The following SNTB1 variants were observed in gnomAD, a reference collection of about 807,000 sequenced individuals.
SNTB1 encodes beta-1-syntrophin.
SNTB1 carries 36 observed loss-of-function variants against 48.9 expected under a neutral mutation model. That is an observed-to-expected ratio of 0.74 (90% confidence interval 0.56 to 0.97). The LOEUF is 0.97. SNTB1 is among the 50% of genes least tolerant of loss of function. The probability of loss-of-function intolerance (pLI) is 0.00; values close to 1 mark genes in which losing one functional copy is unlikely to be tolerated. For synonymous variants in SNTB1, 299 were observed against 294.6 expected, an observed-to-expected ratio of 1.01 and a Z score of -0.15; for missense variants, 786 against 703.4, an observed-to-expected ratio of 1.12 and a Z score of -1.33.
At chr8:120,588,085 T>C (rs1563824918) in intron 3 of SNTB1, among the ~76,000 whole-genome samples, 1 of 152,132 alleles carries the variant, frequency 6.6e-6, no homozygotes, top group Admixed American at 6.5e-5. Flanking sequence ...GAAAAAAAAA[T>C]GTATGCTTCA....
At chr8:120,685,047 C>T (rs886150522) in intron 2 of SNTB1, among the ~76,000 whole-genome samples, 9 of 152,344 alleles carry the variant, frequency 5.9e-5, no homozygotes, top group African/African-American at 1.4e-4. Context: ...TCCCCAGGCT[C>T]CAGGTAGCCC....
intron 3 of SNTB1, among the ~76,000 whole-genome samples, chr8:120,580,159 T>C (rs2130693261): frequency 6.6e-6 from 1 of 152,336 alleles, no homozygotes; most frequent in Middle Eastern, 3.4e-3. Flanking sequence ...TTCAGTGCAC[T>C]CTTTTCCTGA....
At chr8:120,612,938 T>C (rs1189352863) in intron 3 of SNTB1, among the ~76,000 whole-genome samples, 1 of 152,246 alleles carries the variant, frequency 6.6e-6, no homozygotes, top group Non-Finnish European at 1.5e-5. Context: ...TTTTGAAATA[T>C]ATAATATATT....
chr8:120,694,486 G>T (rs1010874420), intron 1 of SNTB1, among the ~76,000 whole-genome samples: 1 of 151,220 alleles, frequency 6.6e-6, no homozygotes, highest in African/African-American at 2.4e-5. Flanking sequence ...CCATTAAAAA[G>T]GAACAGATTA....
At chr8:120,548,235 C>G (rs1186659462) in intron 5 of SNTB1, among the ~76,000 whole-genome samples, 1 of 152,138 alleles carries the variant, frequency 6.6e-6, no homozygotes, top group African/African-American at 2.4e-5. Context: ...AAGCAGATGC[C>G]AGGACCATGC....
intron 3 of SNTB1, among the ~76,000 whole-genome samples, chr8:120,595,036 G>A (rs1367736121): frequency 2.0e-5 from 3 of 151,922 alleles, no homozygotes; most frequent in Non-Finnish European, 4.4e-5. Flanking sequence ...AGAAGGCCCA[G>A]AGGCTAAAAT....
At chr8:120,700,143 T>C (rs935481972) in intron 1 of SNTB1, among the ~76,000 whole-genome samples, 1 of 146,064 alleles carries the variant, frequency 6.8e-6, no homozygotes, top group African/African-American at 2.6e-5. Flanking sequence ...ATTCTCGCTC[T>C]GAAAAAAAAT....
chr8:120,603,676 C>T (rs1046134987), intron 3 of SNTB1, among the ~76,000 whole-genome samples: 7 of 152,166 alleles, frequency 4.6e-5, no homozygotes, highest in African/African-American at 1.7e-4. Flanking sequence ...ATCTGTAGGA[C>T]ACGACACTGT....
chr8:120,546,160 C>T (rs7017132), intron 5 of SNTB1, among the ~76,000 whole-genome samples: 44,131 of 152,056 alleles, frequency 0.29, 7,489 homozygotes, highest in African/African-American at 0.48. Flanking sequence ...TTATATGAAA[C>T]TCAAAGTTAG....
chr8:120,682,195 T>G (rs1817942416), intron 2 of SNTB1, among the ~76,000 whole-genome samples: 2 of 152,094 alleles, frequency 1.3e-5, no homozygotes, highest in South Asian at 2.1e-4. Context: ...TGAAGAGAGA[T>G]AACAAAAAAA....
intron 3 of SNTB1, among the ~76,000 whole-genome samples, chr8:120,597,171 C>CA (rs1320911584): frequency 1.3e-5 from 2 of 152,172 alleles, no homozygotes; most frequent in Non-Finnish European, 2.9e-5. Context: ...GATGTGGCCA[C>CA]AAGCCAAGGA....
chr8:120,542,869 CT>C (rs1390708047), intron 5 of SNTB1, among the ~76,000 whole-genome samples: 1 of 152,030 alleles, frequency 6.6e-6, no homozygotes, highest in African/African-American at 2.4e-5. Flanking sequence ...TAAAAAATCT[CT>C]TTTTAGAAAT....
intron 4 of SNTB1, among the ~76,000 whole-genome samples, chr8:120,551,493 A>C (rs1189632390): frequency 6.6e-6 from 1 of 152,066 alleles, no homozygotes; most frequent in African/African-American, 2.4e-5. Context: ...TAAACTTTTT[A>C]AGAATCACTA....
intron 1 of SNTB1, among the ~76,000 whole-genome samples, chr8:120,771,244 T>A (rs1423885700): frequency 6.6e-6 from 1 of 152,156 alleles, no homozygotes; most frequent in Non-Finnish European, 1.5e-5. Flanking sequence ...ATAATTAGAA[T>A]CTCTGAATCC....
chr8:120,750,479 C>T (rs1819193433), intron 1 of SNTB1, among the ~76,000 whole-genome samples: 1 of 152,120 alleles, frequency 6.6e-6, no homozygotes. Flanking sequence ...TATCATTCAT[C>T]AAAATCAAAT....
At chr8:120,676,211 A>G (rs1438012727) in intron 2 of SNTB1, among the ~76,000 whole-genome samples, 1 of 152,258 alleles carries the variant, frequency 6.6e-6, no homozygotes, top group East Asian at 1.9e-4. Context: ...AATGAACTCT[A>G]CAATAAATTC....
At chr8:120,697,695 A>C (rs763780954) in intron 1 of SNTB1, among the ~76,000 whole-genome samples, 7 of 152,224 alleles carry the variant, frequency 4.6e-5, no homozygotes, top group Admixed American at 2.6e-4. Context: ...GCATACAAGG[A>C]AACAACGTAC....
At chr8:120,612,616 C>G (rs1488640174) in intron 3 of SNTB1, among the ~76,000 whole-genome samples, 2 of 152,074 alleles carry the variant, frequency 1.3e-5, no homozygotes, top group Admixed American at 6.5e-5. Flanking sequence ...TGCAATGGCT[C>G]GATCTCAACT....
chr8:120,715,270 C>T (rs547487783), intron 1 of SNTB1, among the ~76,000 whole-genome samples: 2 of 152,202 alleles, frequency 1.3e-5, no homozygotes, highest in Non-Finnish European at 2.9e-5. Context: ...TCATTAAGCT[C>T]ACAGTATCCT....
Sources: gnomAD v4.1 joint callset for allele counts (sites outside exome capture counted in the v4.1 genomes callset) on GRCh38, gnomAD v4.1.1 for gene constraint, MANE v1.5 for transcripts, NCBI Gene and HGNC (gene_info 2026-07-23, HGNC 2026-07-21) for gene names.